TENM4: variants seen among roughly 807,000 people sequenced by gnomAD.
TENM4 encodes the protein teneurin-4.
In TENM4, 82 loss-of-function variants were observed where a neutral mutation model predicts 243.3. The observed-to-expected ratio is 0.34, with a 90% confidence interval of 0.28 to 0.40. The LOEUF (loss-of-function observed/expected upper bound fraction) is 0.40. Ranked by LOEUF, TENM4 falls within the 10% of genes least tolerant of loss-of-function variation. The probability of loss-of-function intolerance (pLI) is 1.00; values close to 1 mark genes in which losing one functional copy is unlikely to be tolerated. For synonymous variants in TENM4, 1,412 were observed against 1,456.3 expected, an observed-to-expected ratio of 0.97 and a Z score of 0.69; for missense variants, 3,138 against 3,673.3, an observed-to-expected ratio of 0.85 and a Z score of 3.77.
Position 79,414,970 on chromosome 11 carries a change from A to G in TENM4, c.-321+25539T>C, listed in dbSNP as rs569658792. Among the ~76,000 whole-genome samples the G allele has an allele frequency of 1.1e-4, 17 of 152,322 alleles. No homozygotes were observed. The South Asian group carries it at 2.1e-3, about 19-fold the overall frequency. On this transcript the variant is annotated intron_variant, in intron 1 of 33. Transcript: ENST00000278550. ...CTATCTGTGGAAAGCGGCCTGGCTT[A>G]GGGGAGAGGCCTCGTGGTGCAGGGG...
At chr11:78,908,529 G>A (rs917899895) in intron 6 of TENM4, among the ~76,000 whole-genome samples, 1 of 152,178 alleles carries the variant, frequency 6.6e-6, no homozygotes, top group Non-Finnish European at 1.5e-5. Flanking sequence ...GAGAAAAAGA[G>A]CAGAACATAT....
chr11:79,164,296 G>GTATATATAGTATATAGATATACTAC (rs1862850483), intron 3 of TENM4, among the ~76,000 whole-genome samples: 1 of 124,142 alleles, frequency 8.1e-6, no homozygotes, highest in African/African-American at 3.5e-5. Context: ...AGATATACTA[G>GTATATATAGTATATAGATATACTAC]TATATATAGT....
intron 28 of TENM4, 48 bp downstream of exon 28, chr11:78,701,478 A>G: frequency 6.6e-7 from 1 of 1,514,534 alleles, no homozygotes; most frequent in Non-Finnish European, 8.9e-7. Flanking sequence ...CAATCCTACA[A>G]TGAATTAATG....
chr11:79,181,326 C>A (rs544310397), intron 3 of TENM4, among the ~76,000 whole-genome samples: 61 of 152,060 alleles, frequency 4.0e-4, no homozygotes, highest in Middle Eastern at 6.8e-3. Flanking sequence ...CATCAACAGG[C>A]TAAAAAAGAA....
chr11:79,139,744 TATATA>T (rs1469793601), intron 4 of TENM4, among the ~76,000 whole-genome samples: 3 of 56,224 alleles, frequency 5.3e-5, no homozygotes, highest in Admixed American at 2.6e-4. Flanking sequence ...TTTATATAAA[TATATA>T]ATATATATTA....
At chr11:79,044,660 T>C (rs1859616780) in intron 6 of TENM4, among the ~76,000 whole-genome samples, 1 of 152,216 alleles carries the variant, frequency 6.6e-6, no homozygotes, top group South Asian at 2.1e-4. Flanking sequence ...TTAAGAGCTG[T>C]GTGGCTTTGG....
At chr11:78,849,085 C>A (rs1371050772) in intron 12 of TENM4, among the ~76,000 whole-genome samples, 2 of 152,182 alleles carry the variant, frequency 1.3e-5, no homozygotes, top group Non-Finnish European at 2.9e-5. Flanking sequence ...TATGCTCCAG[C>A]CTGGCTCACA....
intron 18 of TENM4, among the ~76,000 whole-genome samples, chr11:78,766,221 C>A (rs899284151): frequency 2.0e-5 from 3 of 152,150 alleles, no homozygotes; most frequent in Admixed American, 6.5e-5. Flanking sequence ...TACTTTTAAT[C>A]ATTGTGCTAT....
intron 14 of TENM4, among the ~76,000 whole-genome samples, chr11:78,811,822 A>G (rs1857507673): frequency 6.6e-6 from 1 of 152,222 alleles, no homozygotes; most frequent in Admixed American, 6.5e-5. Flanking sequence ...ACTATAAAGT[A>G]GAGATGATTA....
At chr11:78,710,766 C>A (rs867084707) in intron 26 of TENM4, among the ~76,000 whole-genome samples, 16 of 152,140 alleles carry the variant, frequency 1.1e-4, no homozygotes, top group Admixed American at 6.5e-5. Flanking sequence ...GCCTGCATAT[C>A]GTGGCACCCT....
chr11:79,245,083 C>T (rs1855488747), intron 2 of TENM4, among the ~76,000 whole-genome samples: 1 of 152,136 alleles, frequency 6.6e-6, no homozygotes, highest in South Asian at 2.1e-4. Flanking sequence ...CTGTACATGC[C>T]AACTGTTTAT....
intron 18 of TENM4, among the ~76,000 whole-genome samples, chr11:78,758,388 C>T (rs1856358494): frequency 6.6e-6 from 1 of 152,178 alleles, no homozygotes; most frequent in Non-Finnish European, 1.5e-5. Flanking sequence ...GTAACTTCAT[C>T]CCATTGAGGT....
At chr11:79,233,989 G>A (rs1355020632) in intron 2 of TENM4, among the ~76,000 whole-genome samples, 1 of 152,174 alleles carries the variant, frequency 6.6e-6, no homozygotes, top group Non-Finnish European at 1.5e-5. Context: ...TCCCAACGGA[G>A]GTTGTTCAAT....
intron 1 of TENM4, among the ~76,000 whole-genome samples, chr11:79,304,625 G>T (rs1290686899): frequency 6.6e-6 from 1 of 152,184 alleles, no homozygotes; most frequent in East Asian, 1.9e-4. Context: ...TCATGGTGGT[G>T]TGAAGCAATT....
At chr11:79,206,959 A>C (rs1863860738) in intron 3 of TENM4, among the ~76,000 whole-genome samples, 1 of 152,074 alleles carries the variant, frequency 6.6e-6, no homozygotes. Flanking sequence ...TGATATAAAC[A>C]TTTACTGGGG....
intron 18 of TENM4, among the ~76,000 whole-genome samples, chr11:78,766,796 A>G (rs533001248): frequency 8.8e-4 from 131 of 148,954 alleles, no homozygotes; most frequent in Non-Finnish European, 1.6e-3. Flanking sequence ...TCCGCCTCCC[A>G]AATTAAAGTG....
intron 1 of TENM4, among the ~76,000 whole-genome samples, chr11:79,352,994 C>T (rs574085821): frequency 6.6e-6 from 1 of 152,042 alleles, no homozygotes; most frequent in Admixed American, 6.5e-5. Context: ...CAGACGGATA[C>T]CCTCATTGGC....
chr11:79,292,826 T>A (rs1302989956), intron 2 of TENM4, among the ~76,000 whole-genome samples: 1 of 152,248 alleles, frequency 6.6e-6, no homozygotes, highest in African/African-American at 2.4e-5. Flanking sequence ...AGTATCTATC[T>A]TATAGGGTTG....
At position 78,993,371 on chromosome 11, in the gene TENM4, T is replaced by C. The variant is rs146021393; in HGVS notation, c.493+71367A>G. On this transcript the variant is annotated intron_variant, in intron 6 of 33. Coordinates refer to ENST00000278550, the MANE Select transcript of TENM4 (RefSeq NM_001098816.3). ...TCAGCAATTTTATTACGGTTTTGTG[T>C]TTATTCCTGTGACTTGTTGAGTTTC... Among the ~76,000 whole-genome samples the C allele has an allele frequency of 1.8e-3, 277 of 152,338 alleles. 2 individuals carry two copies. Among genetic ancestry groups the C allele is most frequent in the African/African-American group, 6.5e-3 (269 of 41,582 alleles).
Sources: gnomAD v4.1 joint callset for allele counts (sites outside exome capture counted in the v4.1 genomes callset) on GRCh38, gnomAD v4.1.1 for gene constraint, MANE v1.5 for transcripts, NCBI Gene and HGNC (gene_info 2026-07-23, HGNC 2026-07-21) for gene names.